PACSIN1: variants seen among roughly 807,000 people sequenced by gnomAD.
PACSIN1 encodes protein kinase C and casein kinase substrate in neurons protein 1.
Under a neutral mutation model 59.5 loss-of-function variants are expected in PACSIN1, and 15 were observed. The ratio of observed to expected loss-of-function variants is 0.25; its 90% CI spans 0.17 to 0.39. The LOEUF is 0.39. Among genes scored for constraint, PACSIN1 ranks in the 10% least tolerant of loss-of-function variants. PACSIN1 has a pLI of 1.00. For synonymous variants in PACSIN1, 210 were observed against 220.6 expected (o/e 0.95, Z 0.42); for missense variants, 420 against 580.2 (o/e 0.72, Z 2.84).
At chr6:34,498,863 A>T (rs1766985136) in intron 1 of PACSIN1, among the ~76,000 whole-genome samples, 1 of 151,678 alleles carries the variant, frequency 6.6e-6, no homozygotes, top group Non-Finnish European at 1.5e-5. Flanking sequence ...AAAGAATGAA[A>T]TTGGATCCAT....
chr6:34,532,546 A>G lies in PACSIN1; in HGVS notation c.*16A>G, dbSNP rs781577803. ...GGCTATCTAGAGGCCCCCTCCCTCCATACTCCCGTCACTCCTCCCCACTGC... is the reference window on the plus strand; with the variant it reads ...GGCTATCTAGAGGCCCCCTCCCTCCGTACTCCCGTCACTCCTCCCCACTGC... On this transcript the variant is annotated 3_prime_UTR_variant, in exon 10 of 10. Coordinates refer to ENST00000244458, the MANE Select transcript of PACSIN1 (RefSeq NM_020804.5). The surrounding 1 kb of genome is among the most constrained non-coding windows in gnomAD (Gnocchi z 5.2). The G allele has an allele frequency of 4.8e-6, 7 of 1,452,700 alleles. No individual in the cohort carries two copies. In the South Asian group the frequency reaches 7.4e-5, roughly 15 times the overall value. 90.0% of individuals were successfully genotyped at this position (1,452,700 alleles called of 1,614,324 possible). A position where few individuals can be genotyped will look rare whatever the true frequency, so the allele number is the denominator to read the frequency against.
intron 1 of PACSIN1, among the ~76,000 whole-genome samples, chr6:34,482,582 T>G (rs1766734309): frequency 6.6e-6 from 1 of 152,230 alleles, no homozygotes; most frequent in Non-Finnish European, 1.5e-5. Context: ...CTAAGAACAT[T>G]TATATGCATG....
chr6:34,468,527 C>T (rs1766528183), intron 1 of PACSIN1, among the ~76,000 whole-genome samples: 1 of 152,242 alleles, frequency 6.6e-6, no homozygotes, highest in Non-Finnish European at 1.5e-5. Flanking sequence ...CTGACTCTCC[C>T]TTCTTGCCCT....
At chr6:34,466,636 C>T (rs1052182034) in intron 1 of PACSIN1, among the ~76,000 whole-genome samples, 19 of 152,316 alleles carry the variant, frequency 1.2e-4, no homozygotes, top group African/African-American at 4.1e-4. Context: ...GGGCTGGTGC[C>T]AGCTTGGTGC....
At chr6:34,495,010 G>A (rs1008175876) in intron 1 of PACSIN1, among the ~76,000 whole-genome samples, 12 of 152,212 alleles carry the variant, frequency 7.9e-5, no homozygotes, top group South Asian at 2.1e-4. Context: ...AGTTCAAGGC[G>A]CCTCACTCTT....
At chr6:34,511,688 G>A (rs1235021856) in intron 1 of PACSIN1, among the ~76,000 whole-genome samples, 1 of 152,160 alleles carries the variant, frequency 6.6e-6, no homozygotes, top group Non-Finnish European at 1.5e-5. Flanking sequence ...GAGCTGGCCA[G>A]CCCTGCCTGT....
At chr6:34,512,552 C>T (rs1184518841) in intron 1 of PACSIN1, among the ~76,000 whole-genome samples, 1 of 152,310 alleles carries the variant, frequency 6.6e-6, no homozygotes, top group East Asian at 1.9e-4. Flanking sequence ...GCCGGGAGTC[C>T]CCACCCTCCT....
chr6:34,514,616 C>G lies in PACSIN1; in HGVS notation c.-63-11627C>G, dbSNP rs1040867650. On this transcript the variant is annotated intron_variant, in intron 1 of 9. Coordinates refer to ENST00000244458, the MANE Select transcript of PACSIN1 (RefSeq NM_020804.5). The surrounding 1 kb of genome is among the most constrained non-coding windows in gnomAD (Gnocchi z 4.4). Reference sequence around the variant, plus strand: ...AAGAAAGGGGATGGAGCAGGGCTTCCCAGTCGAGGGCGGCGGCCGAGCCTG... The same window carrying G: ...AAGAAAGGGGATGGAGCAGGGCTTCGCAGTCGAGGGCGGCGGCCGAGCCTG... 1.1e-4 allele frequency among the ~76,000 whole-genome samples: 17 copies of G among 151,902 alleles called. No homozygotes were observed. The highest frequency in any genetic ancestry group is 1.5e-4 in the Non-Finnish European group (10 of 67,984).
At position 34,518,872 on chromosome 6, in the gene PACSIN1, C is replaced by G. The variant is rs1380583888; in HGVS notation, c.-63-7371C>G. On this transcript the variant is annotated intron_variant, in intron 1 of 9. Transcript: ENST00000244458. This position sits in a 1 kb window ranked among gnomAD's most constrained non-coding sequence, Gnocchi z 4.4. ...TAAGCTCCATGAGGGAAGGGCTGGTCTTACTCCCTGATGAGCCTGCCCCAC... is the reference window on the plus strand; with the variant it reads ...TAAGCTCCATGAGGGAAGGGCTGGTGTTACTCCCTGATGAGCCTGCCCCAC... Among the ~76,000 whole-genome samples, 1 of 152,238 alleles carries G rather than the reference C, an allele frequency of 6.6e-6. No individual in the cohort carries two copies. The highest frequency in any genetic ancestry group is 1.5e-5 in the Non-Finnish European group (1 of 68,036).
intron 1 of PACSIN1, among the ~76,000 whole-genome samples, chr6:34,485,553 G>C (rs888356848): frequency 6.6e-6 from 1 of 152,226 alleles, no homozygotes; most frequent in Non-Finnish European, 1.5e-5. Context: ...CAGCGTTGGA[G>C]CAGGCTAGGG....
At chr6:34,524,381 G>C (rs1438965353) in intron 1 of PACSIN1, among the ~76,000 whole-genome samples, 1 of 152,156 alleles carries the variant, frequency 6.6e-6, no homozygotes, top group Non-Finnish European at 1.5e-5. Flanking sequence ...AAAATTAAAA[G>C]GGCACAAAAG....
At chr6:34,480,559 TA>T (rs1766702800) in intron 1 of PACSIN1, among the ~76,000 whole-genome samples, 2 of 152,194 alleles carry the variant, frequency 1.3e-5, no homozygotes, top group Non-Finnish European at 2.9e-5. Flanking sequence ...TTCTAATATG[TA>T]AATAAACCAT....
At chr6:34,470,990 G>A (rs1766564455) in intron 1 of PACSIN1, among the ~76,000 whole-genome samples, 1 of 151,956 alleles carries the variant, frequency 6.6e-6, no homozygotes, top group African/African-American at 2.4e-5. Context: ...TTGTCGCCCA[G>A]GCTTGAGTGC....
In PACSIN1 at chr6:34,529,301, G is replaced by A; in HGVS notation, c.457-96G>A. ...TGGCTCTTAAGAGTGTGGGCTCACA[G>A]GTCCCAGGGAGTGGGCAGGGGAGGA... On this transcript the variant is annotated intron_variant, in intron 4 of 9. Transcript: ENST00000244458. The surrounding 1 kb of genome is among the most constrained non-coding windows in gnomAD (Gnocchi z 6.3). The A allele has an allele frequency of 1.5e-6, 2 of 1,353,246 alleles. No homozygotes were observed. Among genetic ancestry groups the A allele is most frequent in the Non-Finnish European group, 2.1e-6 (2 of 972,436 alleles). 83.8% of individuals were successfully genotyped at this position (1,353,246 alleles called of 1,614,324 possible).
At chr6:34,527,670 A>C (rs1767514720) in intron 3 of PACSIN1, 182 bp downstream of exon 3, 1 of 421,054 alleles carries the variant, frequency 2.4e-6, no homozygotes, top group African/African-American at 2.1e-5. Flanking sequence ...ATTTTGTACA[A>C]TTTTAGGTTG....
intron 1 of PACSIN1, among the ~76,000 whole-genome samples, chr6:34,520,820 G>A (rs773778169): frequency 6.6e-6 from 1 of 151,866 alleles, no homozygotes. Context: ...CTCTCCAGGA[G>A]AAGCCCGGCT....
chr6:34,530,095 A>G lies in PACSIN1; in HGVS notation c.789-148A>G, dbSNP rs1160222934. ...AAAGGAGTCCACCGAGCATGCCCGG[A>G]GCTTATTCTTGCAAAGCCCACATGA... On this transcript the variant is annotated intron_variant, in intron 6 of 9. Transcript: ENST00000244458. This position sits in a 1 kb window ranked among gnomAD's most constrained non-coding sequence, Gnocchi z 4.4. 4.3e-5 allele frequency: 49 copies of G among 1,142,434 alleles called. No individual in the cohort carries two copies. Among genetic ancestry groups the G allele is most frequent in the Non-Finnish European group, 5.7e-5 (47 of 820,690 alleles). The allele number at this position is 1,142,434 out of a possible 1,614,324, so 70.8% of individuals were successfully genotyped here.
intron 1 of PACSIN1, among the ~76,000 whole-genome samples, chr6:34,472,069 G>C (rs1766578246): frequency 6.6e-6 from 1 of 151,814 alleles, no homozygotes; most frequent in African/African-American, 2.4e-5. Context: ...TCAGGAGTTC[G>C]AGACCAACCT....
intron 1 of PACSIN1, among the ~76,000 whole-genome samples, chr6:34,481,282 T>C (rs2127245127): frequency 6.6e-6 from 1 of 152,272 alleles, no homozygotes; most frequent in South Asian, 2.1e-4. Context: ...ACTCCTGATC[T>C]CAAGTGATCC....
Sources: gnomAD v4.1 joint callset for allele counts (sites outside exome capture counted in the v4.1 genomes callset) on GRCh38, gnomAD v4.1.1 for gene constraint, Gnocchi (gnomAD v3.1) non-coding constraint, MANE v1.5 for transcripts, NCBI Gene and HGNC (gene_info 2026-07-23, HGNC 2026-07-21) for gene names.